The following COG5 variants were observed in gnomAD, a reference collection of about 807,000 sequenced individuals.
COG5 encodes the protein conserved oligomeric Golgi complex subunit 5.
COG5 carries 86 observed loss-of-function variants against 110.4 expected under a neutral mutation model. That is an observed-to-expected ratio of 0.78 (90% CI 0.65 to 0.93). The LOEUF (loss-of-function observed/expected upper bound fraction) is 0.93. Ranked by LOEUF, COG5 falls within the 40% of genes least tolerant of loss-of-function variation. The pLI is 0.00. For synonymous variants in COG5, 360 were observed against 334.6 expected (o/e 1.08, Z -0.83); for missense variants, 1,077 against 987.0 (o/e 1.09, Z -1.22).
At chr7:107,350,483 A>G (rs1003509207) in intron 10 of COG5, among the ~76,000 whole-genome samples, 1 of 152,200 alleles carries the variant, frequency 6.6e-6, no homozygotes, top group South Asian at 2.1e-4. Context: ...CAGATACCTT[A>G]GATTCTTTAT....
intron 6 of COG5, chr7:107,475,225 A>C (rs764376493): frequency 6.2e-7 from 1 of 1,611,516 alleles, no homozygotes; most frequent in Non-Finnish European, 8.5e-7. Flanking sequence ...AGTTGTTTCT[A>C]TAGTAGAAGC....
chr7:107,546,085 A>G (rs1802421319), intron 5 of COG5, among the ~76,000 whole-genome samples: 1 of 152,164 alleles, frequency 6.6e-6, no homozygotes, highest in African/African-American at 2.4e-5. Flanking sequence ...AAAATTCACC[A>G]AAAATTTCTC....
chr7:107,316,349 G>C (rs748738794), intron 11 of COG5, among the ~76,000 whole-genome samples: 11 of 152,218 alleles, frequency 7.2e-5, no homozygotes, highest in Non-Finnish European at 1.2e-4. Flanking sequence ...CAGGTAAATG[G>C]GTGACCTTGA....
intron 6 of COG5, among the ~76,000 whole-genome samples, chr7:107,512,738 T>C (rs892997948): frequency 3.9e-5 from 6 of 151,990 alleles, no homozygotes; most frequent in African/African-American, 1.2e-4. Flanking sequence ...TCAGAAATAA[T>C]GCCGCATATC....
rs1796855992 is a variant in COG5, at chr7:107,474,588, T to C, written c.538+52649A>G. On this transcript the variant is annotated intron_variant, in intron 6 of 21. Transcript: ENST00000297135. The surrounding 1 kb of genome is among the most constrained non-coding windows in gnomAD (Gnocchi z 5.7). Reference sequence around the variant, plus strand: ...CTTTTTTCTCTTTCCTGATTCCTTTTATTGAGGTAAATTTTTTCAGTCTTC... The same window carrying C: ...CTTTTTTCTCTTTCCTGATTCCTTTCATTGAGGTAAATTTTTTCAGTCTTC... The C allele has an allele frequency of 6.2e-7, 1 of 1,610,622 alleles. No individual in the cohort carries two copies. Among genetic ancestry groups the C allele is most frequent in the Non-Finnish European group, 8.5e-7 (1 of 1,178,526 alleles).
At chr7:107,314,181 A>C (rs2117011296) in intron 11 of COG5, among the ~76,000 whole-genome samples, 1 of 152,348 alleles carries the variant, frequency 6.6e-6, no homozygotes, top group East Asian at 1.9e-4. Context: ...TGTATAAAAG[A>C]AAAATAACAA....
chr7:107,487,002 AT>A (rs1181627734), intron 6 of COG5, among the ~76,000 whole-genome samples: 1 of 152,234 alleles, frequency 6.6e-6, no homozygotes, highest in Non-Finnish European at 1.5e-5. Flanking sequence ...AATCATAAAA[AT>A]ATCCAAGAAT....
At chr7:107,437,491 C>T (rs1274046352) in intron 6 of COG5, among the ~76,000 whole-genome samples, 1 of 152,098 alleles carries the variant, frequency 6.6e-6, no homozygotes, top group Non-Finnish European at 1.5e-5. Context: ...TTGCCTTTTA[C>T]TGGATGACTA....
chr7:107,311,921 T>G (rs938372219), intron 11 of COG5, among the ~76,000 whole-genome samples: 1 of 152,088 alleles, frequency 6.6e-6, no homozygotes, highest in East Asian at 1.9e-4. Context: ...CAGAAAATTT[T>G]CCCCCGATTC....
chr7:107,412,711 T>TAA, intron 6 of COG5, 79 bp from the exon 7 acceptor site: 5 of 720,862 alleles, frequency 6.9e-6, no homozygotes, highest in South Asian at 2.3e-5. Flanking sequence ...GTATAACTTC[T>TAA]CAAAAAAAAA....
At chr7:107,537,065 G>C (rs1052007988) in intron 5 of COG5, among the ~76,000 whole-genome samples, 4 of 152,194 alleles carry the variant, frequency 2.6e-5, no homozygotes, top group African/African-American at 9.7e-5. Flanking sequence ...GGGAAAACTG[G>C]CTAGCTGTAT....
intron 6 of COG5, among the ~76,000 whole-genome samples, chr7:107,479,800 A>T (rs1214901912): frequency 1.3e-5 from 2 of 152,154 alleles, no homozygotes; most frequent in Non-Finnish European, 2.9e-5. Flanking sequence ...TTTCGAATTG[A>T]CGTTTTAAAT....
At chr7:107,344,229 A>T (rs1002620725) in intron 10 of COG5, among the ~76,000 whole-genome samples, 17 of 152,180 alleles carry the variant, frequency 1.1e-4, no homozygotes, top group African/African-American at 4.1e-4. Flanking sequence ...TTCATTGATG[A>T]TTTTAGCTAG....
At chr7:107,563,225 T>C (rs1804057047) in intron 1 of COG5, among the ~76,000 whole-genome samples, 1 of 152,018 alleles carries the variant, frequency 6.6e-6, no homozygotes, top group Non-Finnish European at 1.5e-5. Context: ...TCTGTACAAA[T>C]GGTTAATCCC....
intron 6 of COG5, among the ~76,000 whole-genome samples, chr7:107,517,972 A>G (rs553794001): frequency 6.6e-6 from 1 of 152,190 alleles, no homozygotes; most frequent in Non-Finnish European, 1.5e-5. Context: ...CTGGGATTAC[A>G]GGCATGAGTC....
At chr7:107,460,467 G>C (rs1795921139) in intron 6 of COG5, among the ~76,000 whole-genome samples, 1 of 151,706 alleles carries the variant, frequency 6.6e-6, no homozygotes, top group African/African-American at 2.4e-5. Context: ...AAATTAGAAA[G>C]CATACTGAAC....
chr7:107,456,488 G>A (rs992342092), intron 6 of COG5, among the ~76,000 whole-genome samples: 6 of 152,124 alleles, frequency 3.9e-5, no homozygotes, highest in Admixed American at 6.5e-5. Flanking sequence ...TTTAGCTTTC[G>A]GCTAAATATA....
intron 17 of COG5, among the ~76,000 whole-genome samples, chr7:107,243,988 T>C (rs1801858364): frequency 6.6e-6 from 1 of 152,188 alleles, no homozygotes; most frequent in Non-Finnish European, 1.5e-5. Flanking sequence ...GGCTCATGCC[T>C]GTAATCCCAG....
intron 6 of COG5, among the ~76,000 whole-genome samples, chr7:107,486,727 G>C (rs948496922): frequency 6.6e-6 from 1 of 152,144 alleles, no homozygotes; most frequent in Non-Finnish European, 1.5e-5. Flanking sequence ...TCAAGCAAAT[G>C]TAAGAATTTA....
Sources: gnomAD v4.1 joint callset for allele counts (sites outside exome capture counted in the v4.1 genomes callset) on GRCh38, gnomAD v4.1.1 for gene constraint, Gnocchi (gnomAD v3.1) non-coding constraint, MANE v1.5 for transcripts, NCBI Gene and HGNC (gene_info 2026-07-23, HGNC 2026-07-21) for gene names.